Variants in CYP7B1 observed in about 807,000 individuals in gnomAD.
CYP7B1 encodes the protein cytochrome P450 7B1.
CYP7B1 carries 29 observed loss-of-function variants against 42.7 expected under a neutral mutation model. That is an observed-to-expected ratio of 0.68 (90% CI 0.51 to 0.93). CYP7B1 has a LOEUF of 0.93. Ranked by LOEUF, CYP7B1 falls within the 40% of genes least tolerant of loss-of-function variation. The pLI is 0.00. For synonymous variants in CYP7B1, 235 were observed against 218.2 expected (o/e 1.08, Z -0.68); for missense variants, 655 against 600.5 (o/e 1.09, Z -0.95).
intron 1 of CYP7B1, among the ~76,000 whole-genome samples, chr8:64,767,743 T>C (rs1175439981): frequency 3.3e-5 from 5 of 152,192 alleles, no homozygotes; most frequent in African/African-American, 1.2e-4. Flanking sequence ...TTTCAATCCC[T>C]GTATCTTTAA....
intron 1 of CYP7B1, among the ~76,000 whole-genome samples, chr8:64,792,949 G>A (rs1027461728): frequency 5.9e-5 from 9 of 152,084 alleles, no homozygotes; most frequent in East Asian, 1.9e-4. Flanking sequence ...GTTAAGGATC[G>A]TGACAAGAGG....
At chr8:64,798,418 C>A in intron 1 of CYP7B1, 48 bp downstream of exon 1, 1 of 1,450,610 alleles carries the variant, frequency 6.9e-7, no homozygotes, top group South Asian at 1.4e-5. Context: ...TCGCGCGCGG[C>A]CCGCGGGGCC....
chr8:64,638,017 A>C (rs957361827), intron 1 of CYP7B1, among the ~76,000 whole-genome samples: 6 of 152,028 alleles, frequency 3.9e-5, no homozygotes, highest in African/African-American at 1.4e-4. Context: ...TAATTTCCCA[A>C]AGTTCTCTTA....
At chr8:64,653,918 C>T (rs1340694711) in intron 1 of CYP7B1, among the ~76,000 whole-genome samples, 1 of 151,978 alleles carries the variant, frequency 6.6e-6, no homozygotes, top group Non-Finnish European at 1.5e-5. Context: ...ATCTGTAAAG[C>T]CTTTTGATAA....
At chr8:64,763,752 T>C (rs1807926249) in intron 1 of CYP7B1, among the ~76,000 whole-genome samples, 1 of 152,186 alleles carries the variant, frequency 6.6e-6, no homozygotes, top group Non-Finnish European at 1.5e-5. Flanking sequence ...CAGAAAGCTG[T>C]CATCCCGAAC....
intron 1 of CYP7B1, among the ~76,000 whole-genome samples, chr8:64,687,212 A>G (rs1311916822): frequency 6.6e-6 from 1 of 152,236 alleles, no homozygotes; most frequent in Non-Finnish European, 1.5e-5. Context: ...GAATGGATAA[A>G]GAAGATGTGG....
intron 1 of CYP7B1, among the ~76,000 whole-genome samples, chr8:64,764,154 G>C (rs965448101): frequency 5.3e-5 from 8 of 151,992 alleles, no homozygotes; most frequent in Admixed American, 4.6e-4. Context: ...CCCCAAGTTT[G>C]TAAATGGCTA....
At chr8:64,793,974 AC>A (rs1048721036) in intron 1 of CYP7B1, among the ~76,000 whole-genome samples, 44 of 152,000 alleles carry the variant, frequency 2.9e-4, no homozygotes, top group South Asian at 8.3e-4. Context: ...AAAAAAAAAA[AC>A]AATCAACCAA....
At chr8:64,619,316 T>C (rs1289542969) in intron 2 of CYP7B1, among the ~76,000 whole-genome samples, 3 of 152,196 alleles carry the variant, frequency 2.0e-5, no homozygotes, top group African/African-American at 7.2e-5. Flanking sequence ...TCCAGGGTGA[T>C]TTTATGTAAA....
chr8:64,739,272 G>A (rs1807535221), intron 1 of CYP7B1, among the ~76,000 whole-genome samples: 1 of 152,152 alleles, frequency 6.6e-6, no homozygotes. Context: ...TAAGATTATG[G>A]AATGCTTTTC....
downstream of CYP7B1, among the ~76,000 whole-genome samples, chr8:64,587,275 T>G (rs1804981454): frequency 6.6e-6 from 1 of 152,142 alleles, no homozygotes; most frequent in Non-Finnish European, 1.5e-5. Context: ...TCCGGAGGGA[T>G]TCGGGATCCG....
At chr8:64,695,481 A>AT in intron 1 of CYP7B1, among the ~76,000 whole-genome samples, 1 of 152,230 alleles carries the variant, frequency 6.6e-6, no homozygotes, top group East Asian at 1.9e-4. Context: ...ATGTTATTTA[A>AT]TCCCCCATGT....
chr8:64,648,064 A>G (rs1805981317), intron 1 of CYP7B1, among the ~76,000 whole-genome samples: 2 of 152,220 alleles, frequency 1.3e-5, no homozygotes, highest in African/African-American at 2.4e-5. Context: ...GTCAAGCACT[A>G]TAATAGGTGA....
intron 2 of CYP7B1, among the ~76,000 whole-genome samples, chr8:64,619,862 T>G (rs1218254803): frequency 6.6e-6 from 1 of 152,122 alleles, no homozygotes; most frequent in Non-Finnish European, 1.5e-5. Context: ...ATATATTTGG[T>G]GCTATACAAA....
intron 1 of CYP7B1, among the ~76,000 whole-genome samples, chr8:64,758,762 GTGGTAAGGATCAGA>G: frequency 6.6e-6 from 1 of 152,236 alleles, no homozygotes. Context: ...ATTCTTCACT[GTGGTAAGGATCAGA>G]TGGAATAATG....
intron 1 of CYP7B1, among the ~76,000 whole-genome samples, chr8:64,643,194 C>T (rs951920591): frequency 1.2e-3 from 80 of 68,342 alleles, no homozygotes; most frequent in African/African-American, 2.7e-3. Flanking sequence ...TATATATATA[C>T]ACACACACAC....
intron 1 of CYP7B1, among the ~76,000 whole-genome samples, chr8:64,691,482 T>TGA (rs1554532279): frequency 1.9e-5 from 1 of 53,486 alleles, no homozygotes; most frequent in Non-Finnish European, 3.8e-5. Flanking sequence ...CGATGGCAAC[T>TGA]GGGGGGGGGG....
chr8:64,596,175 C>A lies in CYP7B1; in HGVS notation c.*467G>T, dbSNP rs1805114217. On this transcript the variant is annotated 3_prime_UTR_variant, in exon 6 of 6. Coordinates refer to ENST00000310193, the MANE Select transcript of CYP7B1 (RefSeq NM_004820.5). ...ATATTATACTTGAAGGGAACATTTT[C>A]ATCCAGTGTAACTCATGGAAATTCA... is the stretch of plus-strand genomic sequence containing the variant. The A allele has an allele frequency of 6.0e-6, 1 of 165,624 alleles. No homozygotes were observed. The highest frequency in any genetic ancestry group is 1.4e-5 in the Non-Finnish European group (1 of 72,792). The allele number at this position is 165,624 out of a possible 1,614,324, so 10.3% of individuals were successfully genotyped here.
At chr8:64,641,739 G>A (rs1329742865) in intron 1 of CYP7B1, among the ~76,000 whole-genome samples, 1 of 152,082 alleles carries the variant, frequency 6.6e-6, no homozygotes. Flanking sequence ...TTAGTCACAT[G>A]ACTCTTTGGC....
Sources: gnomAD v4.1 joint callset for allele counts (sites outside exome capture counted in the v4.1 genomes callset) on GRCh38, gnomAD v4.1.1 for gene constraint, MANE v1.5 for transcripts, NCBI Gene and HGNC (gene_info 2026-07-23, HGNC 2026-07-21) for gene names.